Variants in SCN11A observed in about 807,000 individuals in gnomAD.
SCN11A encodes the protein sodium channel protein type 11 subunit alpha.
Under a neutral mutation model 162.2 loss-of-function variants are expected in SCN11A, and 122 were observed. The ratio of observed to expected loss-of-function variants is 0.75; its 90% CI spans 0.65 to 0.87. The LOEUF is 0.87. Among genes scored for constraint, SCN11A ranks in the 40% least tolerant of loss-of-function variants. SCN11A has a pLI of 0.00. For missense variants in SCN11A, 2,015 were observed against 2,181.6 expected (o/e 0.92, Z 1.52); for synonymous variants, 758 against 751.5 (o/e 1.01, Z -0.14).
At position 38,896,839 on chromosome 3, in the gene SCN11A, A is replaced by C; in HGVS notation, c.2403+6T>G. 6.7e-7 allele frequency: 1 copy of C among 1,497,782 alleles called. No individual in the cohort carries two copies. The highest frequency in any genetic ancestry group is 2.2e-5 in the Admixed American group (1 of 44,522). The allele number at this position is 1,497,782 out of a possible 1,614,324, so 92.8% of individuals were successfully genotyped here. A position where few individuals can be genotyped will look rare whatever the true frequency, so the allele number is the denominator to read the frequency against. On this transcript the variant is annotated splice_donor_region_variant and intron_variant, in intron 18 of 29. Transcript: ENST00000302328. ...TTTTTTTTTGAAAAAAATCTAAGAC[A>C]CATACCACAAGTTTTCCTATCACCG...
intron 1 of SCN11A, among the ~76,000 whole-genome samples, chr3:39,032,842 G>C (rs570055711): frequency 6.6e-6 from 1 of 152,218 alleles, no homozygotes; most frequent in African/African-American, 2.4e-5. Context: ...CCATTTTACA[G>C]ATAAAGAAAT....
At chr3:38,962,579 G>A (rs1190142345) in intron 2 of SCN11A, among the ~76,000 whole-genome samples, 2 of 152,044 alleles carry the variant, frequency 1.3e-5, no homozygotes, top group Admixed American at 6.6e-5. Context: ...GGCTGGATGC[G>A]TTGGCTCACA....
chr3:39,005,594 T>A (rs1247344222), intron 2 of SCN11A, among the ~76,000 whole-genome samples: 2 of 152,266 alleles, frequency 1.3e-5, no homozygotes, highest in Non-Finnish European at 2.9e-5. Context: ...CCAAGGACCA[T>A]GTGACTTCAG....
Position 38,985,223 on chromosome 3 carries a change from G to A in SCN11A, c.-279-24800C>T, listed in dbSNP as rs191837045. Among the ~76,000 whole-genome samples, 934 of 146,564 alleles carry A rather than the reference G, an allele frequency of 6.4e-3. 10 individuals are homozygous for A. Among genetic ancestry groups the A allele is most frequent in the Middle Eastern group, 0.01 (3 of 294 alleles). Reference sequence around the variant, plus strand: ...GCTCACTGCAAGCTCTGCCTCCCGGGTTTATGCCATTCTCCTGCCTTAGCC... The same window carrying A: ...GCTCACTGCAAGCTCTGCCTCCCGGATTTATGCCATTCTCCTGCCTTAGCC... On this transcript the variant is annotated intron_variant, in intron 2 of 29. Coordinates refer to ENST00000302328, the MANE Select transcript of SCN11A (RefSeq NM_001349253.2).
At chr3:39,043,881 T>C (rs982647838) in intron 1 of SCN11A, among the ~76,000 whole-genome samples, 12 of 152,124 alleles carry the variant, frequency 7.9e-5, no homozygotes, top group Non-Finnish European at 1.5e-5. Context: ...GAAGGATAAA[T>C]GCTTGAGGAG....
intron 8 of SCN11A, among the ~76,000 whole-genome samples, chr3:38,925,804 A>T (rs2066131180): frequency 6.6e-6 from 1 of 152,228 alleles, no homozygotes; most frequent in Admixed American, 6.5e-5. Flanking sequence ...AGTCCTCTCA[A>T]ATATTTACTG....
At chr3:38,871,851 A>G in intron 24 of SCN11A, 143 bp from the exon 25 acceptor site, 2 of 701,732 alleles carry the variant, frequency 2.9e-6, no homozygotes, top group Non-Finnish European at 4.7e-6. Context: ...CCCCATCCCC[A>G]TGACAAGCCC....
intron 10 of SCN11A, among the ~76,000 whole-genome samples, 184 bp from the exon 11 acceptor site, chr3:38,920,185 AAAG>A (rs1360861644): frequency 1.3e-5 from 2 of 152,134 alleles, no homozygotes; most frequent in East Asian, 3.9e-4. Flanking sequence ...GAAGGAGGGA[AAAG>A]AAGAAGGAAG....
intron 2 of SCN11A, among the ~76,000 whole-genome samples, chr3:38,986,380 G>C (rs2030244335): frequency 6.6e-6 from 1 of 152,004 alleles, no homozygotes; most frequent in South Asian, 2.1e-4. Flanking sequence ...AATGATTCCA[G>C]ACACATGGAA....
intron 19 of SCN11A, among the ~76,000 whole-genome samples, chr3:38,888,630 G>A (rs931326164): frequency 1.3e-5 from 2 of 152,148 alleles, no homozygotes; most frequent in African/African-American, 2.4e-5. Flanking sequence ...TAATCTCTGC[G>A]GACGTTCTCC....
chr3:38,894,474 G>C, intron 19 of SCN11A, 59 bp downstream of exon 19: 1 of 1,375,458 alleles, frequency 7.3e-7, no homozygotes, highest in Non-Finnish European at 1.0e-6. Context: ...CAGGCTACCA[G>C]TGCCCTGTGA....
At chr3:38,967,028 AGAT>A (rs746682266) in intron 2 of SCN11A, among the ~76,000 whole-genome samples, 3 of 152,212 alleles carry the variant, frequency 2.0e-5, no homozygotes, top group Non-Finnish European at 4.4e-5. Context: ...TGTGCACTTG[AGAT>A]GATTACTGAT....
intron 2 of SCN11A, among the ~76,000 whole-genome samples, chr3:38,982,493 A>G (rs1206720989): frequency 6.6e-6 from 1 of 152,178 alleles, no homozygotes; most frequent in Non-Finnish European, 1.5e-5. Flanking sequence ...AGATTATGTA[A>G]TACAGCCCTG....
At chr3:38,987,662 C>T (rs1213216067) in intron 2 of SCN11A, among the ~76,000 whole-genome samples, 1 of 152,164 alleles carries the variant, frequency 6.6e-6, no homozygotes, top group Non-Finnish European at 1.5e-5. Flanking sequence ...TGGACACTGG[C>T]ACTTCAGTGA....
chr3:39,030,617 C>T (rs926215550), intron 2 of SCN11A, among the ~76,000 whole-genome samples: 4 of 152,164 alleles, frequency 2.6e-5, no homozygotes, highest in African/African-American at 9.7e-5. Flanking sequence ...AATAATGCGA[C>T]ATCCAATTTG....
At chr3:39,026,705 G>A (rs1394868645) in intron 2 of SCN11A, among the ~76,000 whole-genome samples, 2 of 152,288 alleles carry the variant, frequency 1.3e-5, no homozygotes, top group East Asian at 3.9e-4. Context: ...TTACTAAAAG[G>A]GAACATCAGC....
At chr3:38,852,222 G>T (rs147065549) in intron 28 of SCN11A, among the ~76,000 whole-genome samples, 14 of 152,260 alleles carry the variant, frequency 9.2e-5, no homozygotes, top group African/African-American at 3.4e-4. Context: ...CTACATTTCA[G>T]TTGTGACTTT....
Position 38,847,325 on chromosome 3 carries a change from G to C in SCN11A, c.4745C>G (p.Ser1582Cys), listed in dbSNP as rs150988853. 6.2e-7 allele frequency: 1 copy of C among 1,614,096 alleles called. No homozygotes were observed. The highest frequency in any genetic ancestry group is 1.7e-5 in the Admixed American group (1 of 60,010). The change falls in exon 30 of 30, where the codon TCC becomes TGC. Residue 1582 changes from serine to cysteine, a missense_variant. Ser to Cys is a moderately radical substitution (Grantham distance 112, BLOSUM62 -1). Transcript: ENST00000302328. ...GATGATAATGTAACTGACAAAGTAG[G>C]ATGTGGCTATGCCAGGGAGGTGGCA... Reference protein sequence around the residue: ...ENCHLPGIATSYFVSYIIISF... With the variant: ...ENCHLPGIATCYFVSYIIISF...
intron 10 of SCN11A, 30 bp from the exon 11 acceptor site, chr3:38,920,031 T>C: frequency 1.3e-6 from 2 of 1,547,720 alleles, no homozygotes; most frequent in Non-Finnish European, 8.9e-7. Context: ...TAAATTCAGA[T>C]TTTAAAAAAA....
Sources: allele counts gnomAD v4.1 joint callset (sites outside exome capture counted in the v4.1 genomes callset), GRCh38; gene constraint gnomAD v4.1.1; transcripts MANE v1.5; gene names NCBI Gene and HGNC (gene_info 2026-07-23, HGNC 2026-07-21).